Variants in CPNE4 observed in about 807,000 individuals in gnomAD.
CPNE4 encodes copine 4, also known as copine-4.
Under a neutral mutation model 67.9 loss-of-function variants are expected in CPNE4, and 25 were observed. The ratio of observed to expected loss-of-function variants is 0.37; its 90% CI spans 0.27 to 0.51. CPNE4 has a LOEUF of 0.51. Among genes scored for constraint, CPNE4 ranks in the 20% least tolerant of loss-of-function variants. The pLI, the probability that CPNE4 is intolerant of heterozygous loss-of-function variation, is 0.93. For missense variants in CPNE4, 464 were observed against 690.8 expected, an observed-to-expected ratio of 0.67 and a Z score of 3.68; for synonymous variants, 242 against 244.9, an observed-to-expected ratio of 0.99 and a Z score of 0.11.
Position 131,639,670 on chromosome 3 carries a change from G to A in CPNE4, c.681+30005C>T, listed in dbSNP as rs141624250. 6.6e-5 allele frequency among the ~76,000 whole-genome samples: 10 copies of A among 152,016 alleles called. No homozygotes were observed. In the East Asian group the frequency reaches 7.7e-4, roughly 12 times the overall value. On this transcript the variant is annotated intron_variant, in intron 7 of 15. Transcript: ENST00000429747. ...TAAATCATTCTATGACGCCAGCATC[G>A]CCCTAATACCAAAACCAGGGAGGGA...
At chr3:131,655,749 T>C (rs999762567) in intron 7 of CPNE4, among the ~76,000 whole-genome samples, 5 of 152,146 alleles carry the variant, frequency 3.3e-5, no homozygotes, top group African/African-American at 1.2e-4. Flanking sequence ...TAAGACTTAA[T>C]TGAATCCTGT....
chr3:131,577,106 C>G (rs1477061105), intron 9 of CPNE4, among the ~76,000 whole-genome samples: 1 of 152,016 alleles, frequency 6.6e-6, no homozygotes, highest in Non-Finnish European at 1.5e-5. Flanking sequence ...AATGGCCAGT[C>G]ATAAGACATT....
At chr3:131,665,881 A>G (rs148762789) in intron 7 of CPNE4, among the ~76,000 whole-genome samples, 1 of 152,278 alleles carries the variant, frequency 6.6e-6, no homozygotes, top group African/African-American at 2.4e-5. Flanking sequence ...ACTTGAATGA[A>G]TGAAAAGACA....
At chr3:131,832,497 C>T (rs1189337763) in intron 2 of CPNE4, among the ~76,000 whole-genome samples, 1 of 152,172 alleles carries the variant, frequency 6.6e-6, no homozygotes. Context: ...GCCTGAAGGT[C>T]AAGACATCAA....
chr3:131,953,567 T>C (rs2071845269), intron 1 of CPNE4, among the ~76,000 whole-genome samples: 1 of 152,236 alleles, frequency 6.6e-6, no homozygotes, highest in South Asian at 2.1e-4. Flanking sequence ...TGGGGTAAAT[T>C]TCACTTGATT....
chr3:131,747,689 G>A (rs1244867610), intron 2 of CPNE4, among the ~76,000 whole-genome samples: 3 of 152,118 alleles, frequency 2.0e-5, no homozygotes, highest in South Asian at 2.1e-4. Flanking sequence ...CATGTTAATC[G>A]TTGGTGTATA....
intron 6 of CPNE4, among the ~76,000 whole-genome samples, chr3:131,670,343 A>G (rs910488882): frequency 4.6e-5 from 7 of 152,230 alleles, no homozygotes; most frequent in Admixed American, 2.0e-4. Flanking sequence ...AATATCCTGG[A>G]AAGGCGTGAC....
chr3:131,589,715 A>G (rs377093251), intron 7 of CPNE4, among the ~76,000 whole-genome samples: 2 of 152,388 alleles, frequency 1.3e-5, no homozygotes, highest in African/African-American at 2.4e-5. Flanking sequence ...TAAGACATCA[A>G]GAAAAACTAA....
intron 1 of CPNE4, among the ~76,000 whole-genome samples, chr3:131,967,095 T>A (rs989721816): frequency 6.6e-6 from 1 of 152,020 alleles, no homozygotes; most frequent in African/African-American, 2.4e-5. Context: ...ACATAATCCA[T>A]CACATAAATA....
chr3:131,668,918 T>C (rs1027647080), intron 7 of CPNE4, among the ~76,000 whole-genome samples: 10 of 152,198 alleles, frequency 6.6e-5, no homozygotes, highest in African/African-American at 2.2e-4. Context: ...TTGGAGCTTC[T>C]TCCACCAAGA....
At chr3:131,786,014 C>T (rs985858231) in intron 2 of CPNE4, among the ~76,000 whole-genome samples, 4 of 152,046 alleles carry the variant, frequency 2.6e-5, no homozygotes, top group African/African-American at 7.2e-5. Context: ...AGGGTAACTT[C>T]CATATCTATG....
chr3:131,674,041 C>T (rs1264755873), intron 6 of CPNE4, among the ~76,000 whole-genome samples: 4 of 151,758 alleles, frequency 2.6e-5, no homozygotes, highest in Non-Finnish European at 4.4e-5. Context: ...TGAATTGTAT[C>T]AAATGCTTCT....
chr3:131,913,289 T>C (rs1277340764), intron 1 of CPNE4, among the ~76,000 whole-genome samples: 1 of 152,146 alleles, frequency 6.6e-6, no homozygotes, highest in East Asian at 1.9e-4. Context: ...TTGGATAAGA[T>C]TTCAGCAGTT....
chr3:132,024,293 A>G (rs1245307782), intron 1 of CPNE4, among the ~76,000 whole-genome samples: 1 of 152,100 alleles, frequency 6.6e-6, no homozygotes, highest in African/African-American at 2.4e-5. Context: ...CATGTTGGCC[A>G]GGCTAGTCTC....
At chr3:132,002,898 T>C (rs73208152) in intron 1 of CPNE4, among the ~76,000 whole-genome samples, 15,942 of 152,098 alleles carry the variant, frequency 0.1, 1,147 homozygotes, top group African/African-American at 0.2. Flanking sequence ...AGCTGTCAGT[T>C]AAGTCCTTAC....
At chr3:131,700,338 A>C (rs2081267238) in intron 3 of CPNE4, among the ~76,000 whole-genome samples, 1 of 152,162 alleles carries the variant, frequency 6.6e-6, no homozygotes. Flanking sequence ...TCTCAAATAT[A>C]TCATTAAGCC....
chr3:131,992,932 T>C (rs1213378594), intron 1 of CPNE4, among the ~76,000 whole-genome samples: 2 of 136,292 alleles, frequency 1.5e-5, no homozygotes, highest in African/African-American at 4.9e-5. Context: ...TCTGCCATGA[T>C]TGTAAGTTTC....
intron 7 of CPNE4, among the ~76,000 whole-genome samples, chr3:131,596,733 T>C (rs1938903075): frequency 6.6e-6 from 1 of 151,904 alleles, no homozygotes. Context: ...GCACTGAGGC[T>C]TTTCTGAAGG....
intron 3 of CPNE4, among the ~76,000 whole-genome samples, chr3:131,710,124 A>G (rs2081522516): frequency 6.6e-6 from 1 of 152,242 alleles, no homozygotes. Context: ...ATCCATATAT[A>G]TTTATTTGAA....
Sources: gnomAD v4.1 joint callset for allele counts (sites outside exome capture counted in the v4.1 genomes callset) on GRCh38, gnomAD v4.1.1 for gene constraint, MANE v1.5 for transcripts, NCBI Gene and HGNC (gene_info 2026-07-23, HGNC 2026-07-21) for gene names.